The following TBC1D4 variants were observed in gnomAD, a reference collection of about 807,000 sequenced individuals.
TBC1D4 encodes TBC1 domain family member 4, also known as TBC (Tre-2, BUB2, CDC16) domain-containing protein.
TBC1D4 carries 121 observed loss-of-function variants against 142.5 expected under a neutral mutation model. That is an observed-to-expected ratio of 0.85 (90% confidence interval 0.73 to 0.99). The LOEUF (loss-of-function observed/expected upper bound fraction) is 0.99, where lower values mean the gene tolerates loss of function less well. Among genes scored for constraint, TBC1D4 ranks in the 50% least tolerant of loss-of-function variants. The probability of loss-of-function intolerance (pLI) is 0.00; values close to 1 mark genes in which losing one functional copy is unlikely to be tolerated. For synonymous variants in TBC1D4, 630 were observed against 628.2 expected, an observed-to-expected ratio of 1.00 and a Z score of -0.04; for missense variants, 1,475 against 1,606.6, an observed-to-expected ratio of 0.92 and a Z score of 1.40.
chr13:75,404,937 C>T (rs779049155), intron 1 of TBC1D4, among the ~76,000 whole-genome samples: 9 of 152,218 alleles, frequency 5.9e-5, no homozygotes, highest in South Asian at 4.2e-4. Context: ...CACCAGCAGC[C>T]GTGCAATTGA....
At chr13:75,346,555 C>A (rs1881166949) in intron 5 of TBC1D4, among the ~76,000 whole-genome samples, 1 of 152,296 alleles carries the variant, frequency 6.6e-6, no homozygotes, top group East Asian at 1.9e-4. Flanking sequence ...CACTGATGGG[C>A]ATTTGGGTTG....
chr13:75,407,939 T>C (rs557643087), intron 1 of TBC1D4, among the ~76,000 whole-genome samples: 1 of 151,830 alleles, frequency 6.6e-6, no homozygotes, highest in South Asian at 2.1e-4. Flanking sequence ...TCTCAGAAAA[T>C]AAGCTACCAT....
rs1173072887 is a variant in TBC1D4, at chr13:75,302,139, A to G, written c.2911+104T>C. The G allele has an allele frequency of 2.1e-6, 3 of 1,407,604 alleles. No homozygotes were observed. In the African/African-American group the frequency reaches 4.2e-5, roughly 20 times the overall value. The allele number at this position is 1,407,604 out of a possible 1,614,324, so 87.2% of individuals were successfully genotyped here. ...AAAGTCAACGGCTCTGCATATGCCA[A>G]CAGGTGCTCTTTATCAGCACCAAGA... On this transcript the variant is annotated intron_variant, in intron 16 of 20. Coordinates refer to ENST00000377636, the MANE Select transcript of TBC1D4 (RefSeq NM_014832.5).
intron 1 of TBC1D4, among the ~76,000 whole-genome samples, chr13:75,409,857 T>G (rs1885532805): frequency 1.3e-5 from 2 of 152,334 alleles, no homozygotes; most frequent in East Asian, 1.9e-4. Context: ...GATGTTAAGA[T>G]ACTAGTGTTA....
chr13:75,462,232 C>T (rs1349935760), intron 1 of TBC1D4, among the ~76,000 whole-genome samples: 2 of 152,068 alleles, frequency 1.3e-5, no homozygotes, highest in Non-Finnish European at 1.5e-5. Flanking sequence ...AGTTCAATTA[C>T]GGAAACAGCA....
Position 75,326,515 on chromosome 13 carries a change from A to G in TBC1D4, c.1807-92T>C, listed in dbSNP as rs935000404. On this transcript the variant is annotated intron_variant, in intron 9 of 20. Coordinates refer to ENST00000377636, the MANE Select transcript of TBC1D4 (RefSeq NM_014832.5). The stretch of plus-strand genomic sequence containing the variant: ...GAGCTCAAAAGTGACAGTGTGCCTC[A>G]TCTTCCTCCTGAGTCATGACAAAAC... 3.8e-6 allele frequency: 5 copies of G among 1,322,502 alleles called. No individual in the cohort carries two copies. The African/African-American group carries it at 5.8e-5, about 15-fold the overall frequency. The allele number at this position is 1,322,502 out of a possible 1,614,324, so 81.9% of individuals were successfully genotyped here.
rs1210118331 is a variant in TBC1D4 at position 75,296,637 on chromosome 13, C to T, written c.3157-1624G>A. Among the ~76,000 whole-genome samples the T allele has an allele frequency of 2.0e-5, 3 of 151,378 alleles. No individual in the cohort carries two copies. The South Asian group carries it at 6.3e-4, about 32-fold the overall frequency. On this transcript the variant is annotated intron_variant, in intron 17 of 20. Transcript: ENST00000377636. ...TTCTTCAATTCCACCTTATAGATACCAAGGCAAACCTGCAGATTAAAGAGG... is the reference window on the plus strand; with the variant it reads ...TTCTTCAATTCCACCTTATAGATACTAAGGCAAACCTGCAGATTAAAGAGG...
At chr13:75,446,691 T>C (rs1887298847) in intron 1 of TBC1D4, among the ~76,000 whole-genome samples, 1 of 152,218 alleles carries the variant, frequency 6.6e-6, no homozygotes, top group Admixed American at 6.5e-5. Flanking sequence ...TGATGTGACA[T>C]TGAACAACCG....
chr13:75,317,061 G>T (rs1344928505), intron 12 of TBC1D4, among the ~76,000 whole-genome samples: 1 of 152,028 alleles, frequency 6.6e-6, no homozygotes, highest in Non-Finnish European at 1.5e-5. Context: ...TTCCATTTTT[G>T]GTGCAATACT....
At chr13:75,340,563 T>C (rs1444536311) in intron 7 of TBC1D4, among the ~76,000 whole-genome samples, 3 of 152,246 alleles carry the variant, frequency 2.0e-5, no homozygotes, top group African/African-American at 7.2e-5. Flanking sequence ...ACATGTACTA[T>C]TAATGCTTTT....
At chr13:75,384,418 G>A (rs201567775) in intron 1 of TBC1D4, among the ~76,000 whole-genome samples, 2 of 152,008 alleles carry the variant, frequency 1.3e-5, no homozygotes, top group African/African-American at 4.8e-5. Flanking sequence ...GCGACAGAGC[G>A]AGACTCCATC....
At chr13:75,381,507 T>C (rs1424227133) in intron 1 of TBC1D4, among the ~76,000 whole-genome samples, 1 of 152,204 alleles carries the variant, frequency 6.6e-6, no homozygotes, top group African/African-American at 2.4e-5. Flanking sequence ...TACCAGAAAC[T>C]GCTTCAAACT....
At chr13:75,290,236 C>G (rs1038860223) in intron 19 of TBC1D4, among the ~76,000 whole-genome samples, 1 of 151,976 alleles carries the variant, frequency 6.6e-6, no homozygotes, top group African/African-American at 2.4e-5. Context: ...AAGATTATCT[C>G]TAGATGTTGA....
At chr13:75,456,760 C>G (rs745786155) in intron 1 of TBC1D4, among the ~76,000 whole-genome samples, 1 of 149,648 alleles carries the variant, frequency 6.7e-6, no homozygotes, top group Non-Finnish European at 1.5e-5. Context: ...CAAACCAATG[C>G]TATCCAAAGA....
chr13:75,430,391 T>A (rs1315589982), intron 1 of TBC1D4, among the ~76,000 whole-genome samples: 10 of 152,222 alleles, frequency 6.6e-5, no homozygotes, highest in Admixed American at 6.5e-4. Flanking sequence ...GAATTCTAAA[T>A]AGGCCATTTT....
At chr13:75,305,771 T>G (rs569494092) in intron 15 of TBC1D4, among the ~76,000 whole-genome samples, 4 of 152,294 alleles carry the variant, frequency 2.6e-5, no homozygotes, top group African/African-American at 9.6e-5. Context: ...ATTTTTAAAT[T>G]TAAAATTCTT....
chr13:75,397,780 T>C (rs1403372502), intron 1 of TBC1D4, among the ~76,000 whole-genome samples: 1 of 152,188 alleles, frequency 6.6e-6, no homozygotes, highest in Non-Finnish European at 1.5e-5. Context: ...ACCTAGGAAT[T>C]ACCCTCGTAT....
At chr13:75,309,372 A>G (rs949954235) in intron 14 of TBC1D4, among the ~76,000 whole-genome samples, 4 of 152,166 alleles carry the variant, frequency 2.6e-5, no homozygotes, top group African/African-American at 9.6e-5. Context: ...AATGATTTGA[A>G]TACGACTTTG....
At position 75,299,418 on chromosome 13, in the gene TBC1D4, C is replaced by A; in HGVS notation, c.3068G>T (p.Ser1023Ile). Residue 1023 changes from serine (S) to isoleucine (I), a missense_variant, in exon 17 of 21, where the codon AGT (serine) becomes ATT (isoleucine). Physicochemically the swap from Ser to Ile is moderately radical, Grantham distance 142 (BLOSUM62 -2). Around this residue, in one of 2 missense-constraint regions of TBC1D4, gnomAD observed 248 missense variants for 338.9 expected, o/e 0.73. Transcript: ENST00000377636. ...FVAGVLLLHM[S>I]EEQAFEMLKF... The stretch of plus-strand genomic sequence containing the variant: ...CAGCATTTCAAAGGCTTGCTCTTCA[C>A]TCATGTGCAGAAGCAGGACTCCAGC... 1 of 1,614,156 alleles carries A rather than the reference C, an allele frequency of 6.2e-7. No individual in the cohort carries two copies. Among genetic ancestry groups the A allele is most frequent in the Admixed American group, 1.7e-5 (1 of 60,004 alleles).
Sources: allele counts gnomAD v4.1 joint callset (sites outside exome capture counted in the v4.1 genomes callset), GRCh38; gene constraint gnomAD v4.1.1; regional missense constraint gnomAD v4.1.1; transcripts MANE v1.5; gene names NCBI Gene and HGNC (gene_info 2026-07-23, HGNC 2026-07-21).